CLCN3: variants seen among roughly 807,000 people sequenced by gnomAD.
CLCN3 encodes the protein Cl-/H+ antiporter 3.
CLCN3 carries 16 observed loss-of-function variants against 83.4 expected under a neutral mutation model. That is an observed-to-expected ratio of 0.19 (90% confidence interval 0.13 to 0.29). The LOEUF is 0.29. Ranked by LOEUF, CLCN3 falls within the 10% of genes least tolerant of loss-of-function variation. The probability of loss-of-function intolerance (pLI) is 1.00; values close to 1 mark genes in which losing one functional copy is unlikely to be tolerated. For missense variants in CLCN3, 544 were observed against 1,006.0 expected, an observed-to-expected ratio of 0.54 and a Z score of 6.21; for synonymous variants, 322 against 346.2, an observed-to-expected ratio of 0.93 and a Z score of 0.78.
At chr4:169,651,665 A>C (rs564902145) in intron 2 of CLCN3, among the ~76,000 whole-genome samples, 7 of 152,324 alleles carry the variant, frequency 4.6e-5, no homozygotes, top group East Asian at 3.9e-4. Flanking sequence ...CAAGAAGAAG[A>C]AGCCTGTTCA....
chr4:169,693,017 C>G (rs1732429436), intron 7 of CLCN3, among the ~76,000 whole-genome samples: 1 of 152,116 alleles, frequency 6.6e-6, no homozygotes, highest in Middle Eastern at 3.2e-3. Flanking sequence ...AGCCCAGTCC[C>G]TTCCTATTTT....
At chr4:169,651,047 A>G (rs746049220) in intron 2 of CLCN3, among the ~76,000 whole-genome samples, 8 of 152,174 alleles carry the variant, frequency 5.3e-5, no homozygotes, top group Non-Finnish European at 1.2e-4. Context: ...GTGGAAAGTC[A>G]ATCAAGTACT....
At chr4:169,639,873 G>A (rs1470044396) in intron 2 of CLCN3, among the ~76,000 whole-genome samples, 2 of 152,136 alleles carry the variant, frequency 1.3e-5, no homozygotes, top group African/African-American at 4.8e-5. Context: ...TGTGTTGAAT[G>A]AAAATCCATG....
chr4:169,714,756 T>C (rs1356875642), intron 12 of CLCN3, among the ~76,000 whole-genome samples: 1 of 152,162 alleles, frequency 6.6e-6, no homozygotes, highest in East Asian at 1.9e-4. Context: ...TCTTTAGGAA[T>C]ATGAAGTAAA....
intron 2 of CLCN3, among the ~76,000 whole-genome samples, chr4:169,650,579 TG>T (rs1420534552): frequency 1.3e-5 from 2 of 152,242 alleles, no homozygotes; most frequent in African/African-American, 2.4e-5. Context: ...GCAGAGTTTT[TG>T]TAAGAAATTC....
rs568458140 is a variant in CLCN3 at position 169,697,724 on chromosome 4, T to C, written c.1553T>C (p.Phe518Ser). The C allele has an allele frequency of 6.2e-7, 1 of 1,605,422 alleles. No individual in the cohort carries two copies. The highest frequency in any genetic ancestry group is 1.3e-5 in the African/African-American group (1 of 74,978). Residue 518 changes from phenylalanine (F) to serine (S), a missense_variant, in exon 9 of 13, where the codon TTT becomes TCT. Coordinates refer to ENST00000513761, the MANE Select transcript of CLCN3 (RefSeq NM_001829.4). ...IFKIIMTVFT[F>S]GIKVPSGLFI... ...AAAATCATAATGACAGTATTCACTT[T>C]TGGCATCAAGGTAAGTGCTAATGTG... is the stretch of plus-strand genomic sequence containing the variant.
chr4:169,636,225 T>C lies in CLCN3; in HGVS notation c.160+137T>C, dbSNP rs919060753. 12 of 756,430 alleles carry C rather than the reference T, an allele frequency of 1.6e-5. No individual in the cohort carries two copies. In the African/African-American group the frequency reaches 2.1e-4, roughly 13 times the overall value. 46.9% of individuals were successfully genotyped at this position (756,430 alleles called of 1,614,324 possible). Reference sequence around the variant, plus strand: ...ATTTACATAACATAAACTTAACCATTGTAAAGTGTGGAACTGAGTGGCATT... The same window carrying C: ...ATTTACATAACATAAACTTAACCATCGTAAAGTGTGGAACTGAGTGGCATT... On this transcript the variant is annotated intron_variant, in intron 2 of 12. Transcript: ENST00000513761.
At chr4:169,628,435 T>C (rs934875734) in intron 1 of CLCN3, among the ~76,000 whole-genome samples, 1 of 152,156 alleles carries the variant, frequency 6.6e-6, no homozygotes, top group Non-Finnish European at 1.5e-5. Flanking sequence ...ATCTGTAATA[T>C]ATAAAGAACT....
chr4:169,651,136 C>T (rs1314355131), intron 2 of CLCN3, among the ~76,000 whole-genome samples: 1 of 152,112 alleles, frequency 6.6e-6, no homozygotes, highest in East Asian at 1.9e-4. Context: ...GTTTATACCT[C>T]ACTTACCACC....
In CLCN3 at chr4:169,688,906, A is replaced by G. The variant is rs1732259907; in HGVS notation, c.419-137A>G. 4.9e-6 allele frequency: 3 copies of G among 609,192 alleles called. 1 individual carries two copies. Among genetic ancestry groups the G allele is most frequent in the South Asian group, 2.7e-5 (1 of 37,422 alleles). 37.7% of individuals were successfully genotyped at this position (609,192 alleles called of 1,614,324 possible). A position where few individuals can be genotyped will look rare whatever the true frequency, so the allele number is the denominator to read the frequency against. On this transcript the variant is annotated intron_variant, in intron 4 of 12. Transcript: ENST00000513761. ...TACAGTTTATAACTAAAATTTGAAA[A>G]TCTTAAATTTATATGTAGTTCATAA...
chr4:169,654,358 CT>C (rs1730822311), intron 2 of CLCN3, among the ~76,000 whole-genome samples: 1 of 151,640 alleles, frequency 6.6e-6, no homozygotes, highest in Admixed American at 6.6e-5. Context: ...ATTGGTTTGC[CT>C]TTTTTGTTCT....
intron 2 of CLCN3, among the ~76,000 whole-genome samples, chr4:169,661,696 A>T (rs1678476599): frequency 6.6e-6 from 1 of 152,126 alleles, no homozygotes; most frequent in South Asian, 2.1e-4. Flanking sequence ...AAATTTTGAT[A>T]TATGTGTATA....
intron 8 of CLCN3, among the ~76,000 whole-genome samples, chr4:169,695,958 A>G (rs1441699063): frequency 1.3e-5 from 2 of 152,250 alleles, no homozygotes; most frequent in Non-Finnish European, 2.9e-5. Flanking sequence ...AAGTAAGAAG[A>G]TGTGAATTTG....
intron 1 of CLCN3, among the ~76,000 whole-genome samples, chr4:169,623,161 C>A (rs4692572): frequency 6.6e-6 from 1 of 152,126 alleles, no homozygotes; most frequent in Non-Finnish European, 1.5e-5. Flanking sequence ...GAGAAATAAT[C>A]GAACAGTTTC....
chr4:169,687,619 A>G, intron 3 of CLCN3, 39 bp from the exon 4 acceptor site: 4 of 1,363,276 alleles, frequency 2.9e-6, no homozygotes, highest in Admixed American at 1.7e-5. Context: ...GCTTCTATTC[A>G]TAGTTGGAAA....
At chr4:169,642,127 T>A (rs1363094985) in intron 2 of CLCN3, among the ~76,000 whole-genome samples, 3 of 152,206 alleles carry the variant, frequency 2.0e-5, no homozygotes, top group East Asian at 3.9e-4. Context: ...AGAGATGGGA[T>A]CTCACTATGT....
At chr4:169,710,053 C>T (rs1166978787) in intron 11 of CLCN3, among the ~76,000 whole-genome samples, 1 of 152,018 alleles carries the variant, frequency 6.6e-6, no homozygotes, top group Non-Finnish European at 1.5e-5. Flanking sequence ...GTCTCTAAAA[C>T]AAACAAACAA....
At chr4:169,663,899 G>A (rs1405522702) in intron 2 of CLCN3, among the ~76,000 whole-genome samples, 11 of 152,140 alleles carry the variant, frequency 7.2e-5, no homozygotes, top group African/African-American at 2.2e-4. Context: ...AGAATCCTGT[G>A]GAAGTTAGTA....
chr4:169,690,455 GTT>G, intron 5 of CLCN3, 73 bp from the exon 6 acceptor site: 1 of 1,487,258 alleles, frequency 6.7e-7, no homozygotes, highest in Non-Finnish European at 9.1e-7. Context: ...GTTTACTGAA[GTT>G]TCTTATGACA....
Sources: gnomAD v4.1 joint callset for allele counts (sites outside exome capture counted in the v4.1 genomes callset) on GRCh38, gnomAD v4.1.1 for gene constraint, MANE v1.5 for transcripts, NCBI Gene and HGNC (gene_info 2026-07-23, HGNC 2026-07-21) for gene names.